STPG2: variants seen among roughly 807,000 people sequenced by gnomAD.
STPG2 encodes sperm-tail PG-rich repeat-containing protein 2.
STPG2 carries 56 observed loss-of-function variants against 54.2 expected under a neutral mutation model. That is an observed-to-expected ratio of 1.03 (90% CI 0.83 to 1.29). The LOEUF (loss-of-function observed/expected upper bound fraction) is 1.29, where lower values mean the gene tolerates loss of function less well. STPG2 is among the 50% of genes most tolerant of loss of function. STPG2 has a pLI of 0.00. For synonymous variants in STPG2, 200 were observed against 181.8 expected (o/e 1.10, Z -0.81); for missense variants, 596 against 544.9 (o/e 1.09, Z -0.93).
intron 8 of STPG2, among the ~76,000 whole-genome samples, chr4:97,869,931 C>A (rs542361120): frequency 1.5e-4 from 23 of 151,600 alleles, no homozygotes; most frequent in Non-Finnish European, 2.1e-4. Flanking sequence ...AGGACAAGAA[C>A]CCGGGTCTTC....
chr4:97,882,971 CCACATACA>C (rs1338071610), intron 8 of STPG2, among the ~76,000 whole-genome samples: 11 of 108,456 alleles, frequency 1.0e-4, no homozygotes, highest in Non-Finnish European at 1.3e-4. Context: ...CACATACATA[CCACATACA>C]CACACACACA....
At chr4:97,658,176 T>C (rs1446984943) in intron 10 of STPG2, among the ~76,000 whole-genome samples, 1 of 152,216 alleles carries the variant, frequency 6.6e-6, no homozygotes, top group Non-Finnish European at 1.5e-5. Context: ...AAACTGAAGA[T>C]AGCTGCTATA....
intron 6 of STPG2, among the ~76,000 whole-genome samples, chr4:97,977,422 CTG>C (rs1734535277): frequency 6.6e-6 from 1 of 152,282 alleles, no homozygotes; most frequent in East Asian, 1.9e-4. Context: ...CCTTTGGAGT[CTG>C]TGTTACTTGA....
At chr4:97,792,205 T>C (rs913182423) in intron 9 of STPG2, among the ~76,000 whole-genome samples, 8 of 152,216 alleles carry the variant, frequency 5.3e-5, no homozygotes, top group Admixed American at 6.5e-5. Context: ...TAAAAAGCTA[T>C]AGTATATACT....
intron 10 of STPG2, among the ~76,000 whole-genome samples, chr4:97,638,689 T>C (rs1352764681): frequency 1.4e-5 from 2 of 144,634 alleles, no homozygotes; most frequent in African/African-American, 2.8e-5. Context: ...GCGAAGGACA[T>C]GAACAGACAC....
chr4:97,698,155 C>T (rs1723645982), intron 10 of STPG2, among the ~76,000 whole-genome samples: 1 of 152,128 alleles, frequency 6.6e-6, no homozygotes, highest in African/African-American at 2.4e-5. Context: ...AGAACCTCAG[C>T]AGGTCGTGGT....
chr4:98,036,455 A>T (rs991985249), intron 5 of STPG2, among the ~76,000 whole-genome samples: 1 of 152,266 alleles, frequency 6.6e-6, no homozygotes, highest in South Asian at 2.1e-4. Flanking sequence ...GTACATGTAT[A>T]CCATGAAATA....
chr4:98,020,952 A>G (rs1736164394), intron 5 of STPG2, among the ~76,000 whole-genome samples: 1 of 151,338 alleles, frequency 6.6e-6, no homozygotes, highest in Non-Finnish European at 1.5e-5. Flanking sequence ...AGTTTTGTTG[A>G]TCTTTTCAAA....
At chr4:97,821,312 A>C (rs2149104853) in intron 9 of STPG2, among the ~76,000 whole-genome samples, 1 of 152,288 alleles carries the variant, frequency 6.6e-6, no homozygotes. Flanking sequence ...ATCCAGGGCA[A>C]ACTGCAGTAA....
intron 8 of STPG2, among the ~76,000 whole-genome samples, chr4:97,907,854 T>C (rs1016326418): frequency 6.6e-6 from 1 of 152,040 alleles, no homozygotes; most frequent in Non-Finnish European, 1.5e-5. Context: ...TTACACCTTA[T>C]ACAAAAATCA....
At chr4:98,130,426 C>T (rs1739955488) in intron 2 of STPG2, among the ~76,000 whole-genome samples, 1 of 152,014 alleles carries the variant, frequency 6.6e-6, no homozygotes, top group Admixed American at 6.6e-5. Context: ...GATCTGCCCC[C>T]ACTTCCCTGG....
intron 10 of STPG2, among the ~76,000 whole-genome samples, chr4:97,705,458 TG>T (rs1723912711): frequency 6.6e-6 from 1 of 152,094 alleles, no homozygotes. Flanking sequence ...CCTAAGCAGC[TG>T]GGACAACAGG....
At chr4:98,053,635 T>C (rs886714057) in intron 5 of STPG2, among the ~76,000 whole-genome samples, 6 of 152,166 alleles carry the variant, frequency 3.9e-5, no homozygotes, top group African/African-American at 1.4e-4. Context: ...CCTTCCATTT[T>C]CTTCTGTACA....
chr4:97,853,220 C>G (rs1729225765), intron 8 of STPG2, among the ~76,000 whole-genome samples: 1 of 151,944 alleles, frequency 6.6e-6, no homozygotes, highest in East Asian at 1.9e-4. Context: ...CCCACCTTGG[C>G]CTCCCAAAGT....
Position 97,738,191 on chromosome 4 carries a change from G to A in STPG2, c.1205-25377C>T, listed in dbSNP as rs187547915. 4.5e-3 allele frequency among the ~76,000 whole-genome samples: 692 copies of A among 152,186 alleles called. 3 individuals carry two copies. The highest frequency in any genetic ancestry group is 0.024 in the South Asian group (117 of 4,816). On this transcript the variant is annotated intron_variant, in intron 9 of 10. Coordinates refer to ENST00000295268, the MANE Select transcript of STPG2 (RefSeq NM_174952.3). Reference sequence around the variant, plus strand: ...GATTTTGTTACCACCAGGCCTGCCCGAAAAGAGCTCCTGAAGGAAGCACTA... The same window carrying A: ...GATTTTGTTACCACCAGGCCTGCCCAAAAAGAGCTCCTGAAGGAAGCACTA...
chr4:97,481,343 G>C (rs1730216927), intron 4 of STPG2, among the ~76,000 whole-genome samples: 1 of 151,254 alleles, frequency 6.6e-6, no homozygotes. Flanking sequence ...CAATTGTTTT[G>C]GCTATTTTGA....
intron 5 of STPG2, among the ~76,000 whole-genome samples, chr4:98,049,480 A>G (rs1737244666): frequency 6.6e-6 from 1 of 152,234 alleles, no homozygotes; most frequent in Non-Finnish European, 1.5e-5. Context: ...CCAACTATCA[A>G]AAACAGAACA....
intron 9 of STPG2, among the ~76,000 whole-genome samples, chr4:97,778,453 G>T (rs1726461699): frequency 6.6e-6 from 1 of 152,174 alleles, no homozygotes; most frequent in Non-Finnish European, 1.5e-5. Context: ...ACTGGGTGGA[G>T]CCCACCTTAG....
chr4:97,462,569 T>C (rs1729689557), intron 4 of STPG2, among the ~76,000 whole-genome samples: 1 of 152,078 alleles, frequency 6.6e-6, no homozygotes, highest in Admixed American at 6.5e-5. Context: ...ATATAATTCC[T>C]AGTTTTTGTC....
Sources: gnomAD v4.1 joint callset for allele counts (sites outside exome capture counted in the v4.1 genomes callset) on GRCh38, gnomAD v4.1.1 for gene constraint, MANE v1.5 for transcripts, NCBI Gene and HGNC (gene_info 2026-07-23, HGNC 2026-07-21) for gene names.